The following HAS3 variants were observed in gnomAD, a reference collection of about 807,000 sequenced individuals.
HAS3 encodes the protein hyaluronan synthase 3.
HAS3 carries 27 observed loss-of-function variants against 50.3 expected under a neutral mutation model. That is an observed-to-expected ratio of 0.54 (90% confidence interval 0.40 to 0.74). The LOEUF (loss-of-function observed/expected upper bound fraction) is 0.74, where lower values mean the gene tolerates loss of function less well. Among genes scored for constraint, HAS3 ranks in the 30% least tolerant of loss-of-function variants. HAS3 has a pLI of 0.00. For missense variants in HAS3, 517 were observed against 742.8 expected (o/e 0.70, Z 3.53); for synonymous variants, 339 against 310.9 (o/e 1.09, Z -0.95).
the HAS3 span, among the ~76,000 whole-genome samples, chr16:69,085,409 G>T: frequency 4.6e-5 from 7 of 151,992 alleles, no homozygotes; most frequent in African/African-American, 1.5e-4. Flanking sequence ...TGAACTATTT[G>T]GCAAGTGGCT....
Position 69,107,736 on chromosome 16 carries a change from A to G in HAS3, c.1-1660A>G, listed in dbSNP as rs898022828. 13 of 979,846 alleles carry G rather than the reference A, an allele frequency of 1.3e-5. No homozygotes were observed. The African/African-American group carries it at 2.1e-4, about 16-fold the overall frequency. 60.7% of individuals were successfully genotyped at this position (979,846 alleles called of 1,614,324 possible). A position where few individuals can be genotyped will look rare whatever the true frequency, so the allele number is the denominator to read the frequency against. On this transcript the variant is annotated intron_variant, in intron 1 of 3. Transcript: ENST00000569188. The surrounding 1 kb of genome is among the most constrained non-coding windows in gnomAD (Gnocchi z 5.5). ...GAATGGGGGCGCTCCTAGGCTGCGG[A>G]TGCAGGCCTGGGGACTCCTGGGCCG...
chr16:69,086,178 T>C, the HAS3 span, among the ~76,000 whole-genome samples: 2 of 151,442 alleles, frequency 1.3e-5, no homozygotes, highest in Non-Finnish European at 2.9e-5. Flanking sequence ...AATTTTTTTT[T>C]CTTTTTAACA....
At chr16:69,092,391 T>G in the HAS3 span, among the ~76,000 whole-genome samples, 2 of 152,226 alleles carry the variant, frequency 1.3e-5, no homozygotes, top group Non-Finnish European at 2.9e-5. Flanking sequence ...TCTCTTGAGA[T>G]CTGGAGCTCA....
At chr16:69,083,617 T>A in the HAS3 span, 1 of 1,579,294 alleles carries the variant, frequency 6.3e-7, no homozygotes, top group South Asian at 1.2e-5. Flanking sequence ...AAACTTCCTG[T>A]TCCCTCCACA....
Position 69,115,525 on chromosome 16 carries a change from T to C in HAS3, c.*259T>C. The C allele has an allele frequency of 2.5e-6, 3 of 1,195,310 alleles. No homozygotes were observed. Among genetic ancestry groups the C allele is most frequent in the African/African-American group, 1.6e-5 (1 of 63,920 alleles). 74.0% of individuals were successfully genotyped at this position (1,195,310 alleles called of 1,614,324 possible). On this transcript the variant is annotated 3_prime_UTR_variant, in exon 4 of 4. Coordinates refer to ENST00000569188, the MANE Select transcript of HAS3 (RefSeq NM_001199280.2). ...CTGCCTGTCTGCTTGCATCTGCACA[T>C]AGGCAGTAGCCTCCTCCTGGGCTCC...
At position 69,116,430 on chromosome 16, in the gene HAS3, G is replaced by A; in HGVS notation, c.*1164G>A. 1.0e-6 allele frequency: 1 copy of A among 985,896 alleles called. No homozygotes were observed. Among genetic ancestry groups the A allele is most frequent in the South Asian group, 4.7e-5 (1 of 21,290 alleles). 61.1% of individuals were successfully genotyped at this position (985,896 alleles called of 1,614,324 possible). A position where few individuals can be genotyped will look rare whatever the true frequency, so the allele number is the denominator to read the frequency against. ...CCTTGGCAGCCGGGTTAGCATGTGT[G>A]ACTTTCAGGCTACTGTTCTTGACAA... On this transcript the variant is annotated 3_prime_UTR_variant, in exon 4 of 4. Transcript: ENST00000569188.
chr16:69,100,907 C>A (rs1015084954), upstream of HAS3, among the ~76,000 whole-genome samples: 3 of 152,126 alleles, frequency 2.0e-5, no homozygotes, highest in Non-Finnish European at 4.4e-5. Flanking sequence ...TTATTCCTGG[C>A]GTGCAAGGCA....
Position 69,106,581 on chromosome 16 carries a change from C to G in HAS3, c.-1+794C>G, listed in dbSNP as rs528501744. On this transcript the variant is annotated intron_variant, in intron 1 of 3. Transcript: ENST00000569188. This position sits in a 1 kb window ranked among gnomAD's most constrained non-coding sequence, Gnocchi z 5.5. ...TCCTCTCCTCTTCCAGCCTCGCCTC[C>G]CTCCTCCCCGGCGGCTCCTGTTTTG... 6.6e-6 allele frequency: 1 copy of G among 152,398 alleles called. No homozygotes were observed. Among genetic ancestry groups the G allele is most frequent in the Non-Finnish European group, 1.5e-5 (1 of 68,196 alleles). The allele number at this position is 152,398 out of a possible 1,614,324, so 9.4% of individuals were successfully genotyped here.
In HAS3 at chr16:69,109,561, C is replaced by T. The variant is rs1454904998; in HGVS notation, c.166C>T (p.Leu56=). The change falls in exon 2 of 4, where the codon CTG becomes TTG. Residue 56 remains leucine (L), a synonymous_variant. Coordinates refer to ENST00000569188, the MANE Select transcript of HAS3 (RefSeq NM_001199280.2). The surrounding 1 kb of genome is among the most constrained non-coding windows in gnomAD (Gnocchi z 5.3). ...GLYGAILGLH[L]LIQSLFAFLE... is the part of the protein sequence containing the mutation. ...GTACGGCGCCATCCTGGGCCTGCAC[C>T]TGCTCATTCAGAGCCTTTTTGCCTT... is the stretch of plus-strand genomic sequence containing the variant. 3 of 1,613,832 alleles carry T rather than the reference C, an allele frequency of 1.9e-6. No homozygotes were observed. The highest frequency in any genetic ancestry group is 2.5e-6 in the Non-Finnish European group (3 of 1,180,044).
intron 3 of HAS3, 100 bp downstream of exon 3, chr16:69,113,642 T>G (rs1173893173): frequency 1.4e-6 from 1 of 705,682 alleles, no homozygotes; most frequent in African/African-American, 1.8e-5. Context: ...TTCCTAGTAT[T>G]GGGGGGAGGT....
At chr16:69,086,520 T>TTGTGTGTGTG in the HAS3 span, among the ~76,000 whole-genome samples, 2 of 126,654 alleles carry the variant, frequency 1.6e-5, no homozygotes, top group Admixed American at 7.9e-5. Flanking sequence ...ATTTTCTATA[T>TTGTGTGTGTG]TATGTGTGTG....
chr16:69,118,000 G>C (rs982919087), downstream of HAS3: 6 of 286,830 alleles, frequency 2.1e-5, no homozygotes, highest in Non-Finnish European at 4.0e-5. Context: ...AAAACACAGT[G>C]ACACCAGCAG....
At chr16:69,101,269 C>T (rs1325196484), upstream of HAS3, among the ~76,000 whole-genome samples, 2 of 152,166 alleles carry the variant, frequency 1.3e-5, no homozygotes, top group Admixed American at 6.6e-5. Flanking sequence ...ACAGCAGGCC[C>T]GGCTGGAACA....
intron 1 of HAS3, among the ~76,000 whole-genome samples, chr16:69,108,394 A>T (rs1430506574): frequency 6.6e-6 from 1 of 152,232 alleles, no homozygotes; most frequent in Non-Finnish European, 1.5e-5. Context: ...GCCAGGAGGC[A>T]GAAGTGCTGT....
In HAS3 at chr16:69,116,134, T is replaced by C; in HGVS notation, c.*868T>C. The C allele has an allele frequency of 2.0e-6, 2 of 985,438 alleles. No homozygotes were observed. Among genetic ancestry groups the C allele is most frequent in the Non-Finnish European group, 2.4e-6 (2 of 829,870 alleles). The allele number at this position is 985,438 out of a possible 1,614,324, so 61.0% of individuals were successfully genotyped here. On this transcript the variant is annotated 3_prime_UTR_variant, in exon 4 of 4. Coordinates refer to ENST00000569188, the MANE Select transcript of HAS3 (RefSeq NM_001199280.2). ...GAAGTCTTGGGTATTTTAACCTGTA[T>C]ACTCTTGAATTCCTCTCAAATTCAG...
chr16:69,100,565 G>T, the HAS3 span, among the ~76,000 whole-genome samples: 8 of 152,082 alleles, frequency 5.3e-5, no homozygotes, highest in Admixed American at 5.2e-4. Context: ...AGGGTGAGGG[G>T]GCAGCCTATA....
At chr16:69,094,073 GGAGA>G in the HAS3 span, among the ~76,000 whole-genome samples, 1 of 152,202 alleles carries the variant, frequency 6.6e-6, no homozygotes, top group African/African-American at 2.4e-5. Context: ...GCTGATTTCA[GGAGA>G]GAGTGGTTTG....
intron 2 of HAS3, among the ~76,000 whole-genome samples, chr16:69,111,157 ATTTTTTTTTT>A (rs71148963): frequency 1.3e-3 from 81 of 62,304 alleles, no homozygotes; most frequent in Admixed American, 3.0e-3. Context: ...CTAGGCCAGG[ATTTTTTTTTT>A]TTTTTTTTTT....
At chr16:69,118,076 C>G (rs1225868371), downstream of HAS3, 1 of 511,540 alleles carries the variant, frequency 2.0e-6, no homozygotes, top group African/African-American at 1.9e-5. Flanking sequence ...CACCAACCAT[C>G]CTTGCACACC....
Sources: allele counts gnomAD v4.1 joint callset (sites outside exome capture counted in the v4.1 genomes callset), GRCh38; gene constraint gnomAD v4.1.1; non-coding constraint Gnocchi (gnomAD v3.1); transcripts MANE v1.5; gene names NCBI Gene and HGNC (gene_info 2026-07-23, HGNC 2026-07-21).